PROSER1: variants seen among roughly 807,000 people sequenced by gnomAD.
PROSER1 encodes the protein proline and serine rich 1.
In PROSER1, 36 loss-of-function variants were observed where a neutral mutation model predicts 71.8. The ratio of observed to expected loss-of-function variants is 0.50; its 90% CI spans 0.38 to 0.66. The LOEUF (loss-of-function observed/expected upper bound fraction) is 0.66. PROSER1 is among the 30% of genes least tolerant of loss of function. The pLI is 0.00. For missense variants in PROSER1, 1,107 were observed against 1,135.0 expected (o/e 0.98, Z 0.35); for synonymous variants, 490 against 452.4 (o/e 1.08, Z -1.06).
rs920836275 is a variant in PROSER1, at chr13:39,022,994, A to G, written c.643+58T>C. On this transcript the variant is annotated intron_variant, in intron 8 of 12. Transcript: ENST00000352251. ...ACCACATAGACCAGCATTTACTTTC[A>G]ATTTAATAAATAAACAGCAAAAAAG... 3 of 1,437,272 alleles carry G rather than the reference A, an allele frequency of 2.1e-6. No individual in the cohort carries two copies. The African/African-American group carries it at 4.2e-5, about 20-fold the overall frequency. 89.0% of individuals were successfully genotyped at this position (1,437,272 alleles called of 1,614,324 possible). A position where few individuals can be genotyped will look rare whatever the true frequency, so the allele number is the denominator to read the frequency against.
At chr13:39,014,558 T>C in intron 10 of PROSER1, 82 bp from the exon 11 acceptor site, 6 of 1,007,918 alleles carry the variant, frequency 6.0e-6, no homozygotes, top group Non-Finnish European at 8.6e-6. Context: ...TAACCATTTT[T>C]GTAATATTTA....
Position 39,037,334 on chromosome 13 carries a change from T to C in PROSER1, c.-92A>G. Reference sequence around the variant, plus strand: ...TGCTCCGCCGATAGTAAAAAATATTTATAGCTGAGGAGGAAAAAGACTCCA... The same window carrying C: ...TGCTCCGCCGATAGTAAAAAATATTCATAGCTGAGGAGGAAAAAGACTCCA... On this transcript the variant is annotated 5_prime_UTR_variant, in exon 1 of 13. It adds an upstream start codon to the 5' untranslated region. Coordinates refer to ENST00000352251, the MANE Select transcript of PROSER1 (RefSeq NM_025138.5). The C allele has an allele frequency of 1.1e-6, 1 of 947,318 alleles. No individual in the cohort carries two copies. Among genetic ancestry groups the C allele is most frequent in the Middle Eastern group, 2.1e-4 (1 of 4,772 alleles). 58.7% of individuals were successfully genotyped at this position (947,318 alleles called of 1,614,324 possible). A position where few individuals can be genotyped will look rare whatever the true frequency, so the allele number is the denominator to read the frequency against.
At position 39,010,838 on chromosome 13, in the gene PROSER1, T is replaced by C. The variant is rs1172623333; in HGVS notation, c.*527A>G. On this transcript the variant is annotated 3_prime_UTR_variant, in exon 13 of 13. Coordinates refer to ENST00000352251, the MANE Select transcript of PROSER1 (RefSeq NM_025138.5). ...ATTCAGCAGTATGTACGGTTGTTAATATCAGAAATTAAGAATAACTGTGGG... is the reference window on the plus strand; with the variant it reads ...ATTCAGCAGTATGTACGGTTGTTAACATCAGAAATTAAGAATAACTGTGGG... 1 of 153,220 alleles carries C rather than the reference T, an allele frequency of 6.5e-6. No individual in the cohort carries two copies. Among genetic ancestry groups the C allele is most frequent in the Non-Finnish European group, 1.5e-5 (1 of 68,532 alleles). The allele number at this position is 153,220 out of a possible 1,614,324, so 9.5% of individuals were successfully genotyped here.
chr13:39,011,610 G>A (rs1869664090), intron 12 of PROSER1, 123 bp from the exon 13 acceptor site: 3 of 958,500 alleles, frequency 3.1e-6, no homozygotes, highest in Admixed American at 6.0e-5. Context: ...AAACTCTGAG[G>A]CACAATAAAG....
Position 39,026,668 on chromosome 13 carries a change from T to C in PROSER1, c.370-281A>G, listed in dbSNP as rs116145540. On this transcript the variant is annotated intron_variant, in intron 5 of 12. Transcript: ENST00000352251. ...GTAAATTGTGTAAAAAAGTGTTTATTATCTAATCTGTCCCATTTCTTCAAC... is the reference window on the plus strand; with the variant it reads ...GTAAATTGTGTAAAAAAGTGTTTATCATCTAATCTGTCCCATTTCTTCAAC... Among the ~76,000 whole-genome samples, 631 of 152,294 alleles carry C rather than the reference T, an allele frequency of 4.1e-3. 8 individuals carry two copies. Among genetic ancestry groups the C allele is most frequent in the African/African-American group, 0.015 (611 of 41,568 alleles).
At chr13:39,011,852 A>G (rs986594516) in intron 12 of PROSER1, among the ~76,000 whole-genome samples, 3 of 152,220 alleles carry the variant, frequency 2.0e-5, no homozygotes, top group Non-Finnish European at 4.4e-5. Flanking sequence ...AGCAGGAAGG[A>G]AAAACAATTC....
chr13:39,035,675 C>G (rs1871068224), intron 1 of PROSER1, among the ~76,000 whole-genome samples: 4 of 152,072 alleles, frequency 2.6e-5, no homozygotes, highest in Admixed American at 2.6e-4. Flanking sequence ...TTATATGCCT[C>G]TGTTTTAAAT....
At chr13:39,018,373 C>CCA (rs1217715445) in intron 9 of PROSER1, among the ~76,000 whole-genome samples, 1 of 151,796 alleles carries the variant, frequency 6.6e-6, no homozygotes, top group Non-Finnish European at 1.5e-5. Flanking sequence ...CAAAGAAAAA[C>CCA]CACAGCTTGT....
At chr13:39,012,488 ACAAATC>A in intron 11 of PROSER1, 197 bp downstream of exon 11, 1 of 638,232 alleles carries the variant, frequency 1.6e-6, no homozygotes, top group Non-Finnish European at 2.7e-6. Context: ...ACTATCAAAT[ACAAATC>A]CAAACATTGT....
chr13:39,023,301 G>A, intron 7 of PROSER1, 171 bp from the exon 8 acceptor site: 2 of 543,816 alleles, frequency 3.7e-6, no homozygotes, highest in Non-Finnish European at 3.3e-6. Flanking sequence ...TAATAAATGT[G>A]GTTGCTATTA....
chr13:39,037,323 T>C lies in PROSER1; in HGVS notation c.-81A>G, dbSNP rs1443674121. Reference sequence around the variant, plus strand: ...CATCCCTGGTCTGCTCCGCCGATAGTAAAAAATATTTATAGCTGAGGAGGA... The same window carrying C: ...CATCCCTGGTCTGCTCCGCCGATAGCAAAAAATATTTATAGCTGAGGAGGA... On this transcript the variant is annotated 5_prime_UTR_variant, in exon 1 of 13. Transcript: ENST00000352251. 3.0e-6 allele frequency: 3 copies of C among 1,015,336 alleles called. No individual in the cohort carries two copies. The highest frequency in any genetic ancestry group is 3.1e-6 in the Non-Finnish European group (2 of 639,016). 62.9% of individuals were successfully genotyped at this position (1,015,336 alleles called of 1,614,324 possible). A position where few individuals can be genotyped will look rare whatever the true frequency, so the allele number is the denominator to read the frequency against.
At position 39,029,432 on chromosome 13, in the gene PROSER1, CCT is replaced by C. The variant is rs1870725290; in HGVS notation, c.181-59_181-58del. On this transcript the variant is annotated intron_variant, in intron 3 of 12. Coordinates refer to ENST00000352251, the MANE Select transcript of PROSER1 (RefSeq NM_025138.5). Reference sequence around the variant, plus strand: ...CGTGAAATTTTCATGCCAGAAATTACCTTTTTCTGGAAGTACAGTTAAATGCT... The same window carrying C: ...CGTGAAATTTTCATGCCAGAAATTACTTTTCTGGAAGTACAGTTAAATGCT... 4 of 966,580 alleles carry C rather than the reference CCT, an allele frequency of 4.1e-6. No homozygotes were observed. In the Admixed American group the frequency reaches 8.4e-5, roughly 20 times the overall value. 59.9% of individuals were successfully genotyped at this position (966,580 alleles called of 1,614,324 possible). A position where few individuals can be genotyped will look rare whatever the true frequency, so the allele number is the denominator to read the frequency against.
chr13:39,013,261 G>T lies in PROSER1; in HGVS notation c.1991C>A (p.Ser664Tyr). 3 of 1,614,180 alleles carry T rather than the reference G, an allele frequency of 1.9e-6. No individual in the cohort carries two copies. Among genetic ancestry groups the T allele is most frequent in the Non-Finnish European group, 2.5e-6 (3 of 1,180,030 alleles). ...ACLNPALSGL[S>Y]SLSTPLNGSN... ...ACCATTTAAAGGAGTACTCAAGCTG[G>T]AGAGACCTGACAATGCAGGATTAAG... The change falls in exon 11 of 13, where the codon TCC (serine) becomes TAC (tyrosine). Residue 664 changes from serine to tyrosine, a missense_variant. Coordinates refer to ENST00000352251, the MANE Select transcript of PROSER1 (RefSeq NM_025138.5).
chr13:39,027,684 A>T lies in PROSER1; in HGVS notation c.369+543T>A, dbSNP rs934352692. ...AATACAACTGAACTGCCAGGCTCATAATTAATTAATTAATTCAGCTTCCAG... is the reference window on the plus strand; with the variant it reads ...AATACAACTGAACTGCCAGGCTCATTATTAATTAATTAATTCAGCTTCCAG... On this transcript the variant is annotated intron_variant, in intron 5 of 12. Coordinates refer to ENST00000352251, the MANE Select transcript of PROSER1 (RefSeq NM_025138.5). Among the ~76,000 whole-genome samples the T allele has an allele frequency of 1.3e-4, 20 of 152,240 alleles. No homozygotes were observed. The South Asian group carries it at 2.1e-3, about 16-fold the overall frequency.
rs1869839214 is a variant in PROSER1, at chr13:39,013,792, G to A, written c.1460C>T (p.Ser487Phe). 6.2e-7 allele frequency: 1 copy of A among 1,614,212 alleles called. No individual in the cohort carries two copies. The highest frequency in any genetic ancestry group is 8.5e-7 in the Non-Finnish European group (1 of 1,180,022). The change falls in exon 11 of 13, where the codon TCT (serine) becomes TTT (phenylalanine). Residue 487 changes from serine (S) to phenylalanine (F), a missense_variant. Ser to Phe is a radical substitution (Grantham distance 155, BLOSUM62 -2). Coordinates refer to ENST00000352251, the MANE Select transcript of PROSER1 (RefSeq NM_025138.5). ...TSNDTNLINS[S>F]ALSSAVTSGL... The stretch of plus-strand genomic sequence containing the variant: ...ACTTGTGACAGCAGAGGATAAAGCA[G>A]AGGAGTTGATTAAATTGGTGTCATT...
chr13:39,020,541 A>G (rs1226432907), intron 9 of PROSER1, among the ~76,000 whole-genome samples: 2 of 152,154 alleles, frequency 1.3e-5, no homozygotes, highest in Admixed American at 1.3e-4. Context: ...TAATAAAATA[A>G]CTACAGTGGA....
chr13:39,031,788 T>C (rs780732997), intron 2 of PROSER1, 157 bp from the exon 3 acceptor site: 2 of 611,390 alleles, frequency 3.3e-6, no homozygotes, highest in Non-Finnish European at 5.9e-6. Flanking sequence ...ATAGCTATTA[T>C]ATAGTTATAT....
intron 12 of PROSER1, among the ~76,000 whole-genome samples, chr13:39,011,869 A>G (rs186158653): frequency 1.1e-4 from 16 of 152,362 alleles, no homozygotes; most frequent in Admixed American, 9.1e-4. Context: ...ATTCATACAG[A>G]TAACTATATC....
intron 10 of PROSER1, among the ~76,000 whole-genome samples, chr13:39,015,287 G>A (rs1205690416): frequency 6.6e-6 from 1 of 152,082 alleles, no homozygotes; most frequent in Non-Finnish European, 1.5e-5. Context: ...TAAGCATTTT[G>A]GGGGATGATG....
Sources: allele counts gnomAD v4.1 joint callset (sites outside exome capture counted in the v4.1 genomes callset), GRCh38; gene constraint gnomAD v4.1.1; transcripts MANE v1.5; gene names NCBI Gene and HGNC (gene_info 2026-07-23, HGNC 2026-07-21).